Variants in TBL1XR1 observed in about 807,000 individuals in gnomAD.
The protein encoded by TBL1XR1 is F-box-like/WD repeat-containing protein TBL1XR1.
In TBL1XR1, 5 loss-of-function variants were observed where a neutral mutation model predicts 66.9. That is an observed-to-expected ratio of 0.07 (90% CI 0.04 to 0.16). TBL1XR1 has a LOEUF of 0.16. TBL1XR1 is among the 10% of genes least tolerant of loss of function. The pLI, the probability that TBL1XR1 is intolerant of heterozygous loss-of-function variation, is 1.00. For missense variants in TBL1XR1, 238 were observed against 623.2 expected (o/e 0.38, Z 6.58); for synonymous variants, 210 against 206.0 (o/e 1.02, Z -0.17).
At chr3:177,141,679 A>G (rs1028800477) in intron 1 of TBL1XR1, among the ~76,000 whole-genome samples, 1 of 152,204 alleles carries the variant, frequency 6.6e-6, no homozygotes, top group African/African-American at 2.4e-5. Flanking sequence ...TCATTTTTAC[A>G]ATGTGTATGT....
At chr3:177,138,106 T>G (rs1277052844) in intron 1 of TBL1XR1, among the ~76,000 whole-genome samples, 1 of 152,174 alleles carries the variant, frequency 6.6e-6, no homozygotes, top group African/African-American at 2.4e-5. Flanking sequence ...TGAAAGGCTT[T>G]TCAAGGCCAC....
At chr3:177,180,891 C>T (rs1734739811) in intron 1 of TBL1XR1, among the ~76,000 whole-genome samples, 1 of 151,976 alleles carries the variant, frequency 6.6e-6, no homozygotes, top group African/African-American at 2.4e-5. Flanking sequence ...CCACCACGCC[C>T]TGCTAGTTTT....
intron 10 of TBL1XR1, among the ~76,000 whole-genome samples, chr3:177,038,812 G>A (rs1048856708): frequency 3.3e-5 from 5 of 151,954 alleles, no homozygotes; most frequent in African/African-American, 7.3e-5. Flanking sequence ...AAGAAGCCTC[G>A]GTTCTGTCAC....
At chr3:177,175,248 C>T (rs887856763) in intron 1 of TBL1XR1, among the ~76,000 whole-genome samples, 3 of 152,066 alleles carry the variant, frequency 2.0e-5, no homozygotes, top group African/African-American at 4.8e-5. Flanking sequence ...AAAATAAAAG[C>T]TTAGCTGCTG....
chr3:177,180,162 G>A (rs529497589), intron 1 of TBL1XR1, among the ~76,000 whole-genome samples: 7 of 149,958 alleles, frequency 4.7e-5, no homozygotes, highest in East Asian at 2.0e-4. Context: ...GCCTGAATCC[G>A]GGAGGCGTGG....
rs144947837 is a variant in TBL1XR1, at chr3:177,183,961, C to G, written c.-122+13160G>C. 7.3e-5 allele frequency among the ~76,000 whole-genome samples: 11 copies of G among 151,604 alleles called. No individual in the cohort carries two copies. In the East Asian group the frequency reaches 2.2e-3, roughly 30 times the overall value. Reference sequence around the variant, plus strand: ...TTCACTGCCAAAAATGAGACAAAGACTCTCCTACCTAGTCTCCTGTTACTG... The same window carrying G: ...TTCACTGCCAAAAATGAGACAAAGAGTCTCCTACCTAGTCTCCTGTTACTG... On this transcript the variant is annotated intron_variant, in intron 1 of 15. Transcript: ENST00000457928.
intron 2 of TBL1XR1, among the ~76,000 whole-genome samples, chr3:177,080,234 C>T (rs145161636): frequency 4.6e-5 from 7 of 152,246 alleles, no homozygotes; most frequent in African/African-American, 1.7e-4. Context: ...ATATATCAGC[C>T]TTAGTAACAT....
intron 2 of TBL1XR1, chr3:177,091,195 A>G (rs989177967): frequency 4.6e-5 from 7 of 152,154 alleles, no homozygotes; most frequent in African/African-American, 1.7e-4. Context: ...GACGTGGACA[A>G]AAAGAGAAAA....
chr3:177,175,374 CAG>C (rs1734034681), intron 1 of TBL1XR1, among the ~76,000 whole-genome samples: 2 of 152,132 alleles, frequency 1.3e-5, no homozygotes, highest in African/African-American at 4.8e-5. Context: ...TTCCATGAAA[CAG>C]AATGTAACAA....
intron 1 of TBL1XR1, among the ~76,000 whole-genome samples, chr3:177,109,989 T>C (rs1008630252): frequency 6.6e-6 from 1 of 152,198 alleles, no homozygotes; most frequent in Admixed American, 6.5e-5. Flanking sequence ...CACTTCCTTA[T>C]TCACAAAATA....
chr3:177,050,510 G>A lies in TBL1XR1; in HGVS notation c.528C>T (p.Ala176=). The A allele has an allele frequency of 3.7e-6, 6 of 1,613,756 alleles. No individual in the cohort carries two copies. The highest frequency in any genetic ancestry group is 1.1e-5 in the South Asian group (1 of 91,068). ...CTAGGAGATCACTAACAGGGTTCCA[G>A]GCACAGATAAAAACTTCAGATTCAT... is the stretch of plus-strand genomic sequence containing the variant. The part of the protein sequence containing the change: ...RGHESEVFIC[A]WNPVSDLLAS... Residue 176 remains alanine, a synonymous_variant, in exon 6 of 16, where the codon GCC becomes GCT. Transcript: ENST00000457928.
At chr3:177,142,209 G>A (rs1430220028) in intron 1 of TBL1XR1, among the ~76,000 whole-genome samples, 2 of 152,156 alleles carry the variant, frequency 1.3e-5, no homozygotes, top group African/African-American at 4.8e-5. Context: ...GTGAACCAGT[G>A]GTGTTTGACA....
At chr3:177,175,799 C>T (rs926281586) in intron 1 of TBL1XR1, among the ~76,000 whole-genome samples, 1 of 152,176 alleles carries the variant, frequency 6.6e-6, no homozygotes, top group African/African-American at 2.4e-5. Context: ...TGGCTCATGC[C>T]TGTAATCCTA....
chr3:177,098,515 G>A lies in TBL1XR1; in HGVS notation c.-95C>T, dbSNP rs1431822805. On this transcript the variant is annotated 5_prime_UTR_variant, in exon 2 of 16. Transcript: ENST00000457928. ...ATGTGCAACTGAATATCCGGTCACC[G>A]CCAATCACAAGTTGCTGTTGTTGAT... 29 of 985,686 alleles carry A rather than the reference G, an allele frequency of 2.9e-5. 1 individual carries two copies. In the Admixed American group the frequency reaches 1.5e-3, roughly 50 times the overall value. The allele number at this position is 985,686 out of a possible 1,614,324, so 61.1% of individuals were successfully genotyped here.
At chr3:177,141,441 CAACAG>C (rs1431209785) in intron 1 of TBL1XR1, among the ~76,000 whole-genome samples, 23 of 152,104 alleles carry the variant, frequency 1.5e-4, no homozygotes, top group African/African-American at 5.1e-4. Flanking sequence ...ATTAGGTTAT[CAACAG>C]AACAGTATGC....
At chr3:177,045,488 G>T (rs926580844) in intron 10 of TBL1XR1, among the ~76,000 whole-genome samples, 1 of 152,088 alleles carries the variant, frequency 6.6e-6, no homozygotes, top group African/African-American at 2.4e-5. Flanking sequence ...TATCATGAAG[G>T]ACGGAGCACT....
intron 1 of TBL1XR1, among the ~76,000 whole-genome samples, chr3:177,183,781 A>T (rs1005022305): frequency 1.3e-5 from 2 of 151,558 alleles, no homozygotes; most frequent in Admixed American, 1.3e-4. Context: ...CTTTATTTTT[A>T]AGAAAGGTAC....
intron 1 of TBL1XR1, among the ~76,000 whole-genome samples, chr3:177,178,380 T>C (rs766853010): frequency 6.6e-6 from 1 of 152,088 alleles, no homozygotes; most frequent in Non-Finnish European, 1.5e-5. Flanking sequence ...TATAAAACAA[T>C]ATAAGCATTC....
intron 1 of TBL1XR1, chr3:177,193,962 A>G (rs944282925): frequency 1.3e-5 from 2 of 152,226 alleles, no homozygotes; most frequent in Non-Finnish European, 2.9e-5. Flanking sequence ...CCTAGGGTAT[A>G]AACAGCATAG....
Sources: gnomAD v4.1 joint callset for allele counts (sites outside exome capture counted in the v4.1 genomes callset) on GRCh38, gnomAD v4.1.1 for gene constraint, MANE v1.5 for transcripts, NCBI Gene and HGNC (gene_info 2026-07-23, HGNC 2026-07-21) for gene names.